SFXN2: variants seen among roughly 807,000 people sequenced by gnomAD.
The protein encoded by SFXN2 is sideroflexin 2.
Under a neutral mutation model 41.9 loss-of-function variants are expected in SFXN2, and 37 were observed. The observed-to-expected ratio is 0.88, with a 90% CI of 0.68 to 1.16. The LOEUF is 1.16. Ranked by LOEUF, SFXN2 falls within the 50% of genes most tolerant of loss-of-function variation. SFXN2 has a pLI of 0.00. For missense variants in SFXN2, 386 were observed against 425.2 expected, an observed-to-expected ratio of 0.91 and a Z score of 0.81; for synonymous variants, 150 against 156.7, an observed-to-expected ratio of 0.96 and a Z score of 0.32.
In SFXN2 at chr10:102,742,805, T is replaced by G. The variant is rs894279021; in HGVS notation, c.*5043T>G. The G allele has an allele frequency of 6.6e-6, 1 of 152,172 alleles. No homozygotes were observed. Among genetic ancestry groups the G allele is most frequent in the African/African-American group, 2.4e-5 (1 of 41,418 alleles). The allele number at this position is 152,172 out of a possible 1,614,324, so 9.4% of individuals were successfully genotyped here. ...CATTGATCAAGCTCTGGTTGAGCCT[T>G]GTACAGGATATTATAGGCTTTAAAA... is the stretch of plus-strand genomic sequence containing the variant. On this transcript the variant is annotated 3_prime_UTR_variant, in exon 12 of 12. Transcript: ENST00000369893.
intron 4 of SFXN2, 95 bp downstream of exon 4, chr10:102,728,624 C>T (rs2064648877): frequency 2.9e-6 from 3 of 1,051,230 alleles, no homozygotes; most frequent in East Asian, 2.4e-5. Context: ...GTAGCACCTG[C>T]ACTGAGCAGG....
intron 2 of SFXN2, 92 bp from the exon 3 acceptor site, chr10:102,726,895 C>G: frequency 6.3e-7 from 1 of 1,582,022 alleles, no homozygotes; most frequent in Non-Finnish European, 8.6e-7. Flanking sequence ...AGGCAGAAAT[C>G]TCAGGGCTGG....
intron 1 of SFXN2, among the ~76,000 whole-genome samples, chr10:102,725,511 C>T (rs1243591905): frequency 6.6e-6 from 1 of 152,074 alleles, no homozygotes; most frequent in Non-Finnish European, 1.5e-5. Flanking sequence ...TGCTTGAGCC[C>T]AGGAGTTCGA....
At chr10:102,726,449 C>T in intron 1 of SFXN2, 163 bp from the exon 2 acceptor site, 3 of 649,554 alleles carry the variant, frequency 4.6e-6, no homozygotes, top group Non-Finnish European at 7.9e-6. Flanking sequence ...TGTTGGTGCC[C>T]AGTTGCTCAA....
At chr10:102,728,595 G>A (rs1249374689) in intron 4 of SFXN2, 66 bp downstream of exon 4, 1 of 1,411,184 alleles carries the variant, frequency 7.1e-7, no homozygotes. Flanking sequence ...AAGGGTTCTG[G>A]GCTGTCAGTC....
chr10:102,716,562 C>CTTTTTTTTTTT (rs567284795), intron 1 of SFXN2: 12 of 87,992 alleles, frequency 1.4e-4, no homozygotes, highest in African/African-American at 2.0e-4. Context: ...TCTTTCTTTC[C>CTTTTTTTTTTT]TTTTTTTTTT....
Position 102,739,378 on chromosome 10 carries a change from G to T in SFXN2, c.*1616G>T, listed in dbSNP as rs1451812004. 1 of 152,196 alleles carries T rather than the reference G, an allele frequency of 6.6e-6. No homozygotes were observed. The highest frequency in any genetic ancestry group is 1.5e-5 in the Non-Finnish European group (1 of 68,034). 9.4% of individuals were successfully genotyped at this position (152,196 alleles called of 1,614,324 possible). On this transcript the variant is annotated 3_prime_UTR_variant, in exon 12 of 12. Transcript: ENST00000369893. ...TCCACAGGAAGCTCCAGATCTCCCAGAATGGGAGCTGTGTTGCCCTAGAGC... is the reference window on the plus strand; with the variant it reads ...TCCACAGGAAGCTCCAGATCTCCCATAATGGGAGCTGTGTTGCCCTAGAGC...
At chr10:102,719,420 G>A (rs546626698) in intron 1 of SFXN2, among the ~76,000 whole-genome samples, 30 of 150,996 alleles carry the variant, frequency 2.0e-4, no homozygotes, top group South Asian at 4.2e-4. Context: ...TTAGAGATGG[G>A]GTTTCACCAT....
At chr10:102,736,183 A>C (rs889696561) in intron 11 of SFXN2, among the ~76,000 whole-genome samples, 2 of 152,182 alleles carry the variant, frequency 1.3e-5, no homozygotes, top group African/African-American at 4.8e-5. Context: ...GTGGGGGAGC[A>C]ACAACAGACT....
intron 7 of SFXN2, 66 bp from the exon 8 acceptor site, chr10:102,732,085 GC>G: frequency 2.7e-6 from 4 of 1,468,510 alleles, no homozygotes; most frequent in Non-Finnish European, 3.8e-6. Context: ...TGCTGACCCA[GC>G]CCCCTGGTGC....
chr10:102,715,040 G>A (rs1590132880), intron 1 of SFXN2: 1 of 152,580 alleles, frequency 6.6e-6, no homozygotes, highest in Non-Finnish European at 1.5e-5. Flanking sequence ...GATCGGCCCG[G>A]TTTTTGTTTT....
intron 6 of SFXN2, among the ~76,000 whole-genome samples, chr10:102,730,546 G>T (rs1260342351): frequency 6.6e-6 from 1 of 152,234 alleles, no homozygotes; most frequent in Middle Eastern, 3.2e-3. Context: ...CACACATGCT[G>T]CTCCATTCAT....
chr10:102,735,982 CAGA>C (rs1343328252), intron 11 of SFXN2, 73 bp downstream of exon 11: 1 of 1,418,898 alleles, frequency 7.0e-7, no homozygotes, highest in Admixed American at 1.7e-5. Context: ...GCCTGCTGTC[CAGA>C]AGGAGACAGG....
intron 1 of SFXN2, chr10:102,725,055 G>C (rs969464765): frequency 2.0e-5 from 3 of 152,068 alleles, no homozygotes; most frequent in African/African-American, 7.2e-5. Flanking sequence ...GGTATAAAAG[G>C]CTAAATTTTC....
intron 4 of SFXN2, among the ~76,000 whole-genome samples, chr10:102,729,113 A>G (rs943868342): frequency 1.2e-4 from 18 of 152,292 alleles, no homozygotes; most frequent in South Asian, 8.3e-4. Flanking sequence ...GGCAGGGAGG[A>G]ACTTGGCATG....
At position 102,727,092 on chromosome 10, in the gene SFXN2, C is replaced by G; in HGVS notation, c.267C>G (p.Ile89Met). The G allele has an allele frequency of 6.2e-7, 1 of 1,610,548 alleles. No homozygotes were observed. The change falls in exon 3 of 12, where the codon ATC becomes ATG. Residue 89 changes from isoleucine to methionine, a missense_variant. Transcript: ENST00000369893. Reference protein sequence around the residue: ...HPDTGEKMNVIGRMSFQLPGG... With the variant: ...HPDTGEKMNVMGRMSFQLPGG... ...ACACTGGGGAGAAGATGAATGTCATCGGGCGCATGTCTTTCCAGCTTCCTG... is the reference window on the plus strand; with the variant it reads ...ACACTGGGGAGAAGATGAATGTCATGGGGCGCATGTCTTTCCAGCTTCCTG...
At chr10:102,729,911 G>A in intron 6 of SFXN2, 103 bp downstream of exon 6, 1 of 1,302,872 alleles carries the variant, frequency 7.7e-7, no homozygotes, top group Non-Finnish European at 1.1e-6. Context: ...GTGGGCATGG[G>A]GAGGGCTGCT....
chr10:102,727,158 G>C lies in SFXN2; in HGVS notation c.332+1G>C. 1 of 1,593,682 alleles carries C rather than the reference G, an allele frequency of 6.3e-7. No homozygotes were observed. On this transcript the variant is annotated splice_donor_variant, in intron 3 of 11. Coordinates refer to ENST00000369893, the MANE Select transcript of SFXN2 (RefSeq NM_178858.6). LOFTEE classifies it high-confidence loss of function. ...CGGGCTTCATGCTCCAGTTCTACAGGTGGGACCTGGGGGCAGGGCCGTGGG... is the reference window on the plus strand; with the variant it reads ...CGGGCTTCATGCTCCAGTTCTACAGCTGGGACCTGGGGGCAGGGCCGTGGG...
intron 1 of SFXN2, among the ~76,000 whole-genome samples, chr10:102,718,658 TC>T (rs1564738000): frequency 6.6e-6 from 1 of 152,226 alleles, no homozygotes; most frequent in Non-Finnish European, 1.5e-5. Flanking sequence ...GAGCCTCTCC[TC>T]TTGTTCCTGG....
Sources: allele counts gnomAD v4.1 joint callset (sites outside exome capture counted in the v4.1 genomes callset), GRCh38; gene constraint gnomAD v4.1.1; transcripts MANE v1.5; gene names NCBI Gene and HGNC (gene_info 2026-07-23, HGNC 2026-07-21).